Variants in SNTG1 observed in about 807,000 individuals in gnomAD.
The protein encoded by SNTG1 is syntrophin gamma 1.
Under a neutral mutation model 74.7 loss-of-function variants are expected in SNTG1, and 39 were observed. That is an observed-to-expected ratio of 0.52 (90% CI 0.40 to 0.68). The LOEUF is 0.68. Ranked by LOEUF, SNTG1 falls within the 30% of genes least tolerant of loss-of-function variation. The pLI, the probability that SNTG1 is intolerant of heterozygous loss-of-function variation, is 0.00. For missense variants in SNTG1, 685 were observed against 609.5 expected (o/e 1.12, Z -1.30); for synonymous variants, 254 against 217.1 (o/e 1.17, Z -1.49).
chr8:50,350,907 G>C (rs551043793), intron 2 of SNTG1, among the ~76,000 whole-genome samples: 1 of 152,202 alleles, frequency 6.6e-6, no homozygotes, highest in African/African-American at 2.4e-5. Context: ...AAAGCAGGCC[G>C]CCCAAACCAG....
chr8:49,917,264 A>G (rs184387646), intron 1 of SNTG1, among the ~76,000 whole-genome samples: 8 of 152,258 alleles, frequency 5.3e-5, no homozygotes, highest in Admixed American at 5.2e-4. Context: ...TTGGTAAATC[A>G]TTATTATGTC....
At chr8:50,617,205 C>A (rs1250456752) in intron 13 of SNTG1, among the ~76,000 whole-genome samples, 1 of 152,086 alleles carries the variant, frequency 6.6e-6, no homozygotes, top group Non-Finnish European at 1.5e-5. Flanking sequence ...ACTTGACCTG[C>A]AAGAATACAA....
intron 2 of SNTG1, among the ~76,000 whole-genome samples, chr8:50,175,839 G>T (rs118048823): frequency 2.6e-5 from 4 of 152,090 alleles, no homozygotes; most frequent in Non-Finnish European, 5.9e-5. Flanking sequence ...ATTTCAAGCC[G>T]TCCTCTTTCT....
chr8:49,935,373 C>T (rs1472496581), intron 1 of SNTG1, among the ~76,000 whole-genome samples: 1 of 142,814 alleles, frequency 7.0e-6, no homozygotes, highest in Non-Finnish European at 1.5e-5. Context: ...TCACAAAGGG[C>T]CCCCAAAGCC....
chr8:50,296,758 A>G (rs1334298648), intron 2 of SNTG1, among the ~76,000 whole-genome samples: 2 of 152,214 alleles, frequency 1.3e-5, no homozygotes, highest in Non-Finnish European at 2.9e-5. Context: ...CTGCACATGT[A>G]TCCCAGAATT....
chr8:50,316,433 C>A (rs888163999), intron 2 of SNTG1, among the ~76,000 whole-genome samples: 1 of 152,090 alleles, frequency 6.6e-6, no homozygotes, highest in Non-Finnish European at 1.5e-5. Flanking sequence ...ACTAATGTTA[C>A]CATTTTAAAA....
At chr8:50,265,439 C>T (rs1322145918) in intron 2 of SNTG1, among the ~76,000 whole-genome samples, 1 of 151,992 alleles carries the variant, frequency 6.6e-6, no homozygotes, top group South Asian at 2.1e-4. Flanking sequence ...ATAGTGCATA[C>T]ACTCAGGAGA....
chr8:50,411,018 G>A (rs1049709973), intron 4 of SNTG1, among the ~76,000 whole-genome samples: 1 of 152,120 alleles, frequency 6.6e-6, no homozygotes, highest in Admixed American at 6.5e-5. Flanking sequence ...CATTGATAAA[G>A]AAGCTATCAG....
chr8:50,365,314 G>C (rs2092078547), intron 2 of SNTG1, among the ~76,000 whole-genome samples: 1 of 152,066 alleles, frequency 6.6e-6, no homozygotes, highest in African/African-American at 2.4e-5. Flanking sequence ...TACTGAAATA[G>C]ACCTCTAAGG....
intron 2 of SNTG1, among the ~76,000 whole-genome samples, chr8:50,259,177 T>C (rs1437584670): frequency 2.6e-5 from 4 of 152,086 alleles, no homozygotes; most frequent in Non-Finnish European, 4.4e-5. Flanking sequence ...AAGAATCTTA[T>C]ATCAGGCAAA....
chr8:50,760,840 G>C (rs898733315), intron 18 of SNTG1, among the ~76,000 whole-genome samples: 7 of 151,836 alleles, frequency 4.6e-5, no homozygotes, highest in African/African-American at 7.3e-5. Context: ...TCAAATCCTT[G>C]AATAGACCAA....
At chr8:50,348,438 C>CATTAG (rs2091549611) in intron 2 of SNTG1, among the ~76,000 whole-genome samples, 2 of 152,196 alleles carry the variant, frequency 1.3e-5, no homozygotes, top group African/African-American at 4.8e-5. Flanking sequence ...ATATGTCTCT[C>CATTAG]TCTTACATGT....
At position 49,998,852 on chromosome 8, in the gene SNTG1, T is replaced by C. The variant is rs573852414; in HGVS notation, c.-103+86621T>C. Among the ~76,000 whole-genome samples the C allele has an allele frequency of 2.0e-5, 3 of 152,296 alleles. No individual in the cohort carries two copies. In the East Asian group the frequency reaches 5.8e-4, roughly 29 times the overall value. On this transcript the variant is annotated intron_variant, in intron 1 of 18. Transcript: ENST00000642720. The stretch of plus-strand genomic sequence containing the variant: ...TAATAATGATAGATAATGATAAAAA[T>C]TGTAGTATAGTAAATATATAAACCA...
chr8:50,583,227 AC>A (rs1349488270), intron 12 of SNTG1, among the ~76,000 whole-genome samples: 3 of 151,734 alleles, frequency 2.0e-5, no homozygotes, highest in Non-Finnish European at 4.4e-5. Context: ...ACATGGTGAA[AC>A]CCTGTCTCTA....
intron 1 of SNTG1, among the ~76,000 whole-genome samples, chr8:50,024,206 G>C (rs1817066189): frequency 6.6e-6 from 1 of 152,072 alleles, no homozygotes; most frequent in Non-Finnish European, 1.5e-5. Context: ...CCTTATCATG[G>C]AATCAGTTTG....
intron 15 of SNTG1, among the ~76,000 whole-genome samples, chr8:50,700,290 C>T (rs560471608): frequency 6.6e-6 from 1 of 152,096 alleles, no homozygotes; most frequent in South Asian, 2.1e-4. Context: ...TGACTGCAAC[C>T]GTAAAGGAAC....
rs143673902 is a variant in SNTG1, at chr8:50,240,563, A to C, written c.-28+67928A>C. On this transcript the variant is annotated intron_variant, in intron 2 of 18. Coordinates refer to ENST00000642720, the MANE Select transcript of SNTG1 (RefSeq NM_018967.5). The stretch of plus-strand genomic sequence containing the variant: ...AGATTTTATATATTATGTAAAAAAC[A>C]ATTTTGTACCAAGAGAGCTCTCCTC... Among the ~76,000 whole-genome samples the C allele has an allele frequency of 6.5e-4, 99 of 152,318 alleles. 1 individual carries two copies. Among genetic ancestry groups the C allele is most frequent in the African/African-American group, 1.8e-3 (73 of 41,572 alleles).
intron 2 of SNTG1, among the ~76,000 whole-genome samples, chr8:50,216,445 A>C (rs2084796419): frequency 6.6e-6 from 1 of 152,174 alleles, no homozygotes; most frequent in Non-Finnish European, 1.5e-5. Context: ...GGTTGTTATA[A>C]GAGTCTGGCA....
intron 13 of SNTG1, among the ~76,000 whole-genome samples, chr8:50,598,578 A>T (rs563145617): frequency 2.6e-5 from 4 of 152,042 alleles, no homozygotes; most frequent in Non-Finnish European, 4.4e-5. Context: ...TTACATTTCC[A>T]TATGAATTTG....
Sources: gnomAD v4.1 joint callset for allele counts (sites outside exome capture counted in the v4.1 genomes callset) on GRCh38, gnomAD v4.1.1 for gene constraint, MANE v1.5 for transcripts, NCBI Gene and HGNC (gene_info 2026-07-23, HGNC 2026-07-21) for gene names.